The following ERBB2 variants were observed in gnomAD, a reference collection of about 807,000 sequenced individuals.
ERBB2 encodes the protein erb-b2 receptor tyrosine kinase 2, also known as receptor tyrosine-protein kinase erbB-2.
A neutral mutation model predicts 149.0 loss-of-function variants in ERBB2; 61 were observed. The ratio of observed to expected loss-of-function variants is 0.41; its 90% confidence interval spans 0.33 to 0.51. The LOEUF is 0.51. Ranked by LOEUF, ERBB2 falls within the 20% of genes least tolerant of loss-of-function variation. ERBB2 has a pLI of 0.25. For missense variants in ERBB2, 1,205 were observed against 1,655.1 expected, an observed-to-expected ratio of 0.73 and a Z score of 4.72; for synonymous variants, 633 against 678.8, an observed-to-expected ratio of 0.93 and a Z score of 1.05.
chr17:39,695,397 G>A (rs1391126491), upstream of ERBB2, among the ~76,000 whole-genome samples: 2 of 152,080 alleles, frequency 1.3e-5, no homozygotes, highest in Non-Finnish European at 2.9e-5. Flanking sequence ...TAGGATACAA[G>A]TGCTCATCAA....
At chr17:39,716,665 A>C in intron 14 of ERBB2, 60 bp downstream of exon 14, 1 of 1,466,810 alleles carries the variant, frequency 6.8e-7, no homozygotes. Context: ...ATTGCCAGGG[A>C]CTTGGCAGGA....
At position 39,724,054 on chromosome 17, in the gene ERBB2, C is replaced by T. The variant is rs1488865342; in HGVS notation, c.2307+44C>T. 2.1e-6 allele frequency: 3 copies of T among 1,428,588 alleles called. No homozygotes were observed. The Admixed American group carries it at 5.4e-5, about 26-fold the overall frequency. 88.5% of individuals were successfully genotyped at this position (1,428,588 alleles called of 1,614,324 possible). On this transcript the variant is annotated intron_variant, in intron 19 of 26. Transcript: ENST00000269571. ...TCCTGCTAGGAGGACAGGAAGGACC[C>T]CATGGCTGCAGGTCTGGGCTCTGGT...
chr17:39,711,555 C>T (rs1409447836), intron 7 of ERBB2, among the ~76,000 whole-genome samples: 1 of 152,196 alleles, frequency 6.6e-6, no homozygotes, highest in Non-Finnish European at 1.5e-5. Flanking sequence ...GGGCTCAGAC[C>T]TGGGGAACCT....
At chr17:39,718,933 A>T (rs2059299577) in intron 15 of ERBB2, among the ~76,000 whole-genome samples, 1 of 152,178 alleles carries the variant, frequency 6.6e-6, no homozygotes, top group East Asian at 1.9e-4. Flanking sequence ...CATGCATTTC[A>T]ATTTAAAGAC....
chr17:39,716,171 C>T (rs374834517), intron 12 of ERBB2, 130 bp from the exon 13 acceptor site: 8 of 1,082,948 alleles, frequency 7.4e-6, no homozygotes, highest in South Asian at 3.2e-5. Context: ...AGAACTCTTC[C>T]TCTCCCTACA....
At chr17:39,717,735 A>G in intron 15 of ERBB2, 1 of 321,746 alleles carries the variant, frequency 3.1e-6, no homozygotes, top group Non-Finnish European at 5.7e-6. Flanking sequence ...ATATGTATAT[A>G]TAAGTTAACA....
intron 1 of ERBB2, among the ~76,000 whole-genome samples, chr17:39,702,170 C>G (rs548080609): frequency 1.3e-5 from 2 of 152,208 alleles, no homozygotes; most frequent in Non-Finnish European, 2.9e-5. Context: ...TGTGATTACA[C>G]GTGCCTGTAG....
chr17:39,709,783 C>T (rs2145488371), intron 4 of ERBB2, 30 bp from the exon 5 acceptor site: 1 of 1,599,592 alleles, frequency 6.3e-7, no homozygotes. Context: ...AGACATCTCT[C>T]TCACTGCCTG....
chr17:39,690,286 A>G (rs1411089101), upstream of ERBB2, among the ~76,000 whole-genome samples: 2 of 152,008 alleles, frequency 1.3e-5, no homozygotes, highest in Non-Finnish European at 2.9e-5. Flanking sequence ...CGGTCTTGCT[A>G]TGTTGCCTAG....
upstream of ERBB2, among the ~76,000 whole-genome samples, chr17:39,691,556 A>AAATAT (rs573116217): frequency 2.0e-4 from 17 of 84,178 alleles, 1 homozygote; most frequent in African/African-American, 7.0e-4. Flanking sequence ...TAAAAAAAAA[A>AAATAT]ATATATATAT....
At chr17:39,696,996 T>G (rs2057877708), upstream of ERBB2, among the ~76,000 whole-genome samples, 1 of 152,232 alleles carries the variant, frequency 6.6e-6, no homozygotes, top group African/African-American at 2.4e-5. Context: ...CCCGCAGGGC[T>G]GTAAGCTGCA....
At position 39,727,446 on chromosome 17, in the gene ERBB2, A is replaced by G. The variant is rs868797794; in HGVS notation, c.3311A>G (p.His1104Arg). The change falls in exon 26 of 27, where the codon CAT becomes CGT. Residue 1104 changes from histidine (H) to arginine (R), a missense_variant. Coordinates refer to ENST00000269571, the MANE Select transcript of ERBB2 (RefSeq NM_004448.4). This position sits in a 1 kb window ranked among gnomAD's most constrained non-coding sequence, Gnocchi z 4.3. ...AAGGGGCTGCAAAGCCTCCCCACAC[A>G]TGACCCCAGCCCTCTACAGCGGTAC... ...AAKGLQSLPT[H>R]DPSPLQRYSE... 3 of 1,611,078 alleles carry G rather than the reference A, an allele frequency of 1.9e-6. No individual in the cohort carries two copies. Among genetic ancestry groups the G allele is most frequent in the Admixed American group, 1.7e-5 (1 of 58,846 alleles).
At chr17:39,706,471 C>T (rs1034127073) in intron 1 of ERBB2, among the ~76,000 whole-genome samples, 3 of 152,184 alleles carry the variant, frequency 2.0e-5, no homozygotes, top group Non-Finnish European at 2.9e-5. Flanking sequence ...ACCCTCCTTC[C>T]CCACTCTCTG....
chr17:39,698,003 A>G (rs1189465456), upstream of ERBB2, among the ~76,000 whole-genome samples: 1 of 151,952 alleles, frequency 6.6e-6, no homozygotes, highest in Admixed American at 6.6e-5. Flanking sequence ...ACTTTGTATT[A>G]CTTTCTTAAA....
intron 1 of ERBB2, among the ~76,000 whole-genome samples, chr17:39,700,625 A>AGC (rs1259144407): frequency 6.6e-6 from 1 of 152,080 alleles, no homozygotes; most frequent in African/African-American, 2.4e-5. Context: ...TATTGCGTAG[A>AGC]GCGCGCGCGC....
upstream of ERBB2, among the ~76,000 whole-genome samples, chr17:39,697,419 G>A (rs1315512475): frequency 2.0e-5 from 3 of 148,346 alleles, no homozygotes; most frequent in East Asian, 6.0e-4. Flanking sequence ...ACAATGGCGC[G>A]ATCTTGGCTC....
At position 39,727,263 on chromosome 17, in the gene ERBB2, A is replaced by G; in HGVS notation, c.3160-32A>G. 6.2e-7 allele frequency: 1 copy of G among 1,608,818 alleles called. No homozygotes were observed. Among genetic ancestry groups the G allele is most frequent in the African/African-American group, 1.3e-5 (1 of 74,494 alleles). ...AGTCCCCATCCCAGATCCGTGAGTG[A>G]CCCCCATCATGACTTTCTTTCTTGT... is the stretch of plus-strand genomic sequence containing the variant. On this transcript the variant is annotated intron_variant, in intron 25 of 26. Transcript: ENST00000269571. The surrounding 1 kb of genome is among the most constrained non-coding windows in gnomAD (Gnocchi z 4.3).
At chr17:39,689,037 T>C (rs144875523) in intron 2 of ERBB2, among the ~76,000 whole-genome samples, 1 of 152,136 alleles carries the variant, frequency 6.6e-6, no homozygotes, top group Non-Finnish European at 1.5e-5. Context: ...CCCAATCTCA[T>C]AGAAGCCTTG....
chr17:39,695,027 T>G (rs1397180309), exon 1 of ERBB2: 1 of 152,470 alleles, frequency 6.6e-6, no homozygotes, highest in East Asian at 1.9e-4. Flanking sequence ...CATGCAAAGC[T>G]ACTCCCTGAG....
Sources: allele counts gnomAD v4.1 joint callset (sites outside exome capture counted in the v4.1 genomes callset), GRCh38; gene constraint gnomAD v4.1.1; non-coding constraint Gnocchi (gnomAD v3.1); transcripts MANE v1.5; gene names NCBI Gene and HGNC (gene_info 2026-07-23, HGNC 2026-07-21).